Variants in PPP2R2B observed in about 807,000 individuals in gnomAD.
PPP2R2B encodes protein phosphatase 2 regulatory subunit Bbeta.
In PPP2R2B, 5 loss-of-function variants were observed where a neutral mutation model predicts 46.0. The ratio of observed to expected loss-of-function variants is 0.11; its 90% CI spans 0.06 to 0.23. The LOEUF (loss-of-function observed/expected upper bound fraction) is 0.23. Among genes scored for constraint, PPP2R2B ranks in the 10% least tolerant of loss-of-function variants. The pLI, the probability that PPP2R2B is intolerant of heterozygous loss-of-function variation, is 1.00. For synonymous variants in PPP2R2B, 215 were observed against 206.7 expected (o/e 1.04, Z -0.34); for missense variants, 367 against 575.0 (o/e 0.64, Z 3.70).
At position 146,586,641 on chromosome 5, in the gene PPP2R2B, C is replaced by CCAT. The variant is rs1238159344; in HGVS notation, c.*3303_*3305dup. On this transcript the variant is annotated 3_prime_UTR_variant, in exon 10 of 10. Coordinates refer to ENST00000394411, the MANE Select transcript of PPP2R2B (RefSeq NM_181675.4). ...ATCTTTATTCCACCTTGCAATTGTT[C>CCAT]CATCTTATATATGCTGGTTGCCTAA... The CCAT allele has an allele frequency of 6.6e-6, 1 of 152,102 alleles. No homozygotes were observed. The highest frequency in any genetic ancestry group is 1.5e-5 in the Non-Finnish European group (1 of 68,014). 9.4% of individuals were successfully genotyped at this position (152,102 alleles called of 1,614,324 possible). A position where few individuals can be genotyped will look rare whatever the true frequency, so the allele number is the denominator to read the frequency against.
At chr5:147,068,110 G>A (rs1018979421) in intron 2 of PPP2R2B, among the ~76,000 whole-genome samples, 3 of 152,078 alleles carry the variant, frequency 2.0e-5, no homozygotes, top group East Asian at 1.9e-4. Context: ...ATAATGATCC[G>A]GGTGGTAGAA....
intron 2 of PPP2R2B, among the ~76,000 whole-genome samples, chr5:146,784,360 T>G (rs895845050): frequency 1.3e-5 from 2 of 152,338 alleles, no homozygotes; most frequent in African/African-American, 4.8e-5. Flanking sequence ...TATTTTAAAG[T>G]CAAGGATGTT....
intron 2 of PPP2R2B, among the ~76,000 whole-genome samples, chr5:146,788,307 A>AT (rs893552311): frequency 5.0e-4 from 73 of 147,292 alleles, no homozygotes; most frequent in South Asian, 4.3e-4. Context: ...CACCAGCCAC[A>AT]TTTTTTTTTT....
intron 2 of PPP2R2B, among the ~76,000 whole-genome samples, chr5:146,723,622 T>C (rs1000138605): frequency 2.0e-5 from 3 of 152,208 alleles, no homozygotes; most frequent in African/African-American, 7.2e-5. Context: ...CTTGTGTTGA[T>C]AGGATAAAAT....
chr5:146,707,255 C>A, intron 2 of PPP2R2B: 2 of 1,587,944 alleles, frequency 1.3e-6, no homozygotes, highest in South Asian at 2.2e-5. Flanking sequence ...CACTTGGTCT[C>A]CAGCATCTTG....
At chr5:146,857,313 A>G (rs190180843) in intron 2 of PPP2R2B, among the ~76,000 whole-genome samples, 85 of 152,340 alleles carry the variant, frequency 5.6e-4, no homozygotes, top group African/African-American at 1.9e-3. Flanking sequence ...AAGAAGAAAT[A>G]TTCAAAATAA....
chr5:146,805,328 C>T (rs926366571), intron 2 of PPP2R2B, among the ~76,000 whole-genome samples: 12 of 152,174 alleles, frequency 7.9e-5, no homozygotes, highest in South Asian at 2.1e-4. Flanking sequence ...GGAACATTCA[C>T]CCCTCCCCCC....
At chr5:147,019,229 A>G (rs944597503) in intron 1 of PPP2R2B, among the ~76,000 whole-genome samples, 3 of 152,196 alleles carry the variant, frequency 2.0e-5, no homozygotes, top group Non-Finnish European at 4.4e-5. Context: ...TTGACCATAA[A>G]TATTTAAATA....
At chr5:146,817,142 ATTTGGCCCATCATCTAGAG>A (rs1757977371) in intron 2 of PPP2R2B, among the ~76,000 whole-genome samples, 1 of 152,128 alleles carries the variant, frequency 6.6e-6, no homozygotes, top group Non-Finnish European at 1.5e-5. Context: ...ATGTTGCTAC[ATTTGGCCCATCATCTAGAG>A]TGTCAAGATC....
intron 1 of PPP2R2B, among the ~76,000 whole-genome samples, chr5:146,928,463 CA>C (rs772349730): frequency 1.2e-3 from 173 of 148,554 alleles, no homozygotes; most frequent in African/African-American, 3.4e-3. Flanking sequence ...ATGCTCAGAC[CA>C]AAAAAAAAAT....
chr5:147,030,120 A>G (rs890498707), intron 1 of PPP2R2B, among the ~76,000 whole-genome samples: 1 of 152,190 alleles, frequency 6.6e-6, no homozygotes, highest in Admixed American at 6.5e-5. Flanking sequence ...GAGTCTTTCC[A>G]TCTGTGAACA....
At chr5:146,713,881 G>A (rs1034434473) in intron 2 of PPP2R2B, among the ~76,000 whole-genome samples, 5 of 152,160 alleles carry the variant, frequency 3.3e-5, no homozygotes, top group Non-Finnish European at 1.5e-5. Context: ...TATAAGTACA[G>A]ATGTTGAGGA....
intron 2 of PPP2R2B, among the ~76,000 whole-genome samples, chr5:146,762,706 C>T (rs1469434151): frequency 1.3e-5 from 2 of 152,124 alleles, no homozygotes; most frequent in African/African-American, 4.8e-5. Flanking sequence ...AATAGGGATG[C>T]ACGGCACCCA....
rs550911688 is a variant in PPP2R2B, at chr5:146,706,542, T to C, written c.71-5400A>G. Reference sequence around the variant, plus strand: ...CTGCCGCGCCATGTCCTACTTGGTCTGCTGAAGGGCGGCCTCCAGCTCGGA... The same window carrying C: ...CTGCCGCGCCATGTCCTACTTGGTCCGCTGAAGGGCGGCCTCCAGCTCGGA... On this transcript the variant is annotated intron_variant, in intron 2 of 9. Transcript: ENST00000394411. 4.4e-5 allele frequency: 48 copies of C among 1,097,798 alleles called. No homozygotes were observed. In the Admixed American group the frequency reaches 7.2e-4, roughly 16 times the overall value. 68.0% of individuals were successfully genotyped at this position (1,097,798 alleles called of 1,614,324 possible). A position where few individuals can be genotyped will look rare whatever the true frequency, so the allele number is the denominator to read the frequency against.
intron 2 of PPP2R2B, among the ~76,000 whole-genome samples, chr5:146,714,897 C>T (rs1780408548): frequency 6.6e-6 from 1 of 152,108 alleles, no homozygotes; most frequent in Admixed American, 6.6e-5. Context: ...TTCCTCCCTT[C>T]CCTTCTCCTT....
chr5:146,843,123 G>T (rs1242969232), intron 2 of PPP2R2B, among the ~76,000 whole-genome samples: 3 of 152,374 alleles, frequency 2.0e-5, no homozygotes, highest in South Asian at 2.1e-4. Context: ...GGAGGCGGAG[G>T]TTGCGGTGAG....
intron 5 of PPP2R2B, among the ~76,000 whole-genome samples, chr5:146,664,215 T>C (rs1776842322): frequency 6.6e-6 from 1 of 152,226 alleles, no homozygotes; most frequent in Non-Finnish European, 1.5e-5. Context: ...AAGATTTCTC[T>C]GTAGCATATT....
At chr5:146,970,485 A>G (rs1752616912) in intron 1 of PPP2R2B, among the ~76,000 whole-genome samples, 1 of 152,002 alleles carries the variant, frequency 6.6e-6, no homozygotes, top group Non-Finnish European at 1.5e-5. Context: ...AATCCCAGCT[A>G]CTTGGGAGAC....
At chr5:147,065,086 G>A (rs927600161) in intron 2 of PPP2R2B, among the ~76,000 whole-genome samples, 3 of 152,202 alleles carry the variant, frequency 2.0e-5, no homozygotes, top group African/African-American at 7.2e-5. Context: ...GCAAGTAGTT[G>A]TAGCAGACAT....
Sources: gnomAD v4.1 joint callset for allele counts (sites outside exome capture counted in the v4.1 genomes callset) on GRCh38, gnomAD v4.1.1 for gene constraint, MANE v1.5 for transcripts, NCBI Gene and HGNC (gene_info 2026-07-23, HGNC 2026-07-21) for gene names.